ATP6V1E1: variants seen among roughly 807,000 people sequenced by gnomAD.
ATP6V1E1 encodes V-type proton ATPase subunit E 1.
A neutral mutation model predicts 35.2 loss-of-function variants in ATP6V1E1; 21 were observed. The ratio of observed to expected loss-of-function variants is 0.60; its 90% CI spans 0.42 to 0.86. The LOEUF is 0.86. ATP6V1E1 is among the 40% of genes least tolerant of loss of function. ATP6V1E1 has a pLI of 0.00. For synonymous variants in ATP6V1E1, 83 were observed against 87.8 expected (o/e 0.95, Z 0.30); for missense variants, 183 against 272.6 (o/e 0.67, Z 2.32).
intron 7 of ATP6V1E1, chr22:17,597,980 C>G (rs2057741053): frequency 1.9e-6 from 1 of 528,434 alleles, no homozygotes; most frequent in Non-Finnish European, 3.4e-6. Context: ...CCTGGCCAAA[C>G]TAGACTTTTA....
At chr22:17,623,817 C>T (rs1447943456) in intron 1 of ATP6V1E1, among the ~76,000 whole-genome samples, 1 of 152,156 alleles carries the variant, frequency 6.6e-6, no homozygotes, top group African/African-American at 2.4e-5. Context: ...CAGACCAGCA[C>T]AGCCTAGAGC....
At chr22:17,626,033 G>A (rs1601399722) in intron 1 of ATP6V1E1, among the ~76,000 whole-genome samples, 4 of 152,072 alleles carry the variant, frequency 2.6e-5, no homozygotes, top group South Asian at 2.1e-4. Flanking sequence ...CTGGCCAGGC[G>A]CGGTAGCTCA....
chr22:17,624,551 C>CA (rs913083930), intron 1 of ATP6V1E1, among the ~76,000 whole-genome samples: 15 of 150,544 alleles, frequency 1.0e-4, no homozygotes, highest in African/African-American at 1.2e-4. Context: ...GAGACTGTCT[C>CA]AAAAAAAAGA....
Position 17,592,352 on chromosome 22 carries a change from A to G in ATP6V1E1, c.*322T>C. 3.0e-6 allele frequency: 1 copy of G among 328,074 alleles called. No homozygotes were observed. Among genetic ancestry groups the G allele is most frequent in the East Asian group, 6.2e-5 (1 of 16,084 alleles). The allele number at this position is 328,074 out of a possible 1,614,324, so 20.3% of individuals were successfully genotyped here. Reference sequence around the variant, plus strand: ...GACTGCAGGGCCAAACACCAAATACATCACCTTTAGGCCAGACGGAGAGTG... The same window carrying G: ...GACTGCAGGGCCAAACACCAAATACGTCACCTTTAGGCCAGACGGAGAGTG... On this transcript the variant is annotated 3_prime_UTR_variant, in exon 9 of 9. Transcript: ENST00000253413.
At chr22:17,606,887 C>G (rs764795360) in intron 4 of ATP6V1E1, among the ~76,000 whole-genome samples, 27 of 152,212 alleles carry the variant, frequency 1.8e-4, no homozygotes, top group Non-Finnish European at 3.5e-4. Context: ...GTTTGCCGTT[C>G]CCTTGGCTTC....
chr22:17,605,537 A>C (rs1179978189), intron 4 of ATP6V1E1, among the ~76,000 whole-genome samples: 2 of 152,076 alleles, frequency 1.3e-5, no homozygotes, highest in Non-Finnish European at 1.5e-5. Context: ...TCTCAAAAAG[A>C]AAAAGAAAAA....
intron 4 of ATP6V1E1, among the ~76,000 whole-genome samples, chr22:17,611,860 C>G (rs1020151670): frequency 4.6e-5 from 7 of 152,182 alleles, no homozygotes; most frequent in Non-Finnish European, 8.8e-5. Context: ...GTGTTTCTTT[C>G]TCATCTAAGA....
intron 4 of ATP6V1E1, chr22:17,612,498 C>T: frequency 8.4e-6 from 2 of 238,818 alleles, no homozygotes; most frequent in Non-Finnish European, 1.6e-5. Context: ...AGCTCTTCAG[C>T]CTCACACTCA....
intron 1 of ATP6V1E1, 55 bp downstream of exon 1, chr22:17,628,548 G>A: frequency 6.2e-7 from 1 of 1,612,684 alleles, no homozygotes; most frequent in Non-Finnish European, 8.5e-7. Context: ...GCGGGCTCCA[G>A]CCCACTCCCC....
chr22:17,621,673 T>C (rs1191067510), intron 1 of ATP6V1E1, among the ~76,000 whole-genome samples: 1 of 152,188 alleles, frequency 6.6e-6, no homozygotes, highest in Admixed American at 6.6e-5. Flanking sequence ...GTTCCTACCA[T>C]ACTAAACTTA....
At chr22:17,619,674 C>T in intron 1 of ATP6V1E1, 148 bp from the exon 2 acceptor site, 1 of 665,672 alleles carries the variant, frequency 1.5e-6, no homozygotes, top group Non-Finnish European at 2.5e-6. Flanking sequence ...TTGCTTTAGG[C>T]CAGGAGGTGG....
intron 6 of ATP6V1E1, among the ~76,000 whole-genome samples, chr22:17,599,696 G>T (rs897999062): frequency 6.7e-6 from 1 of 149,374 alleles, no homozygotes; most frequent in Non-Finnish European, 1.5e-5. Flanking sequence ...GAGGCGGGTG[G>T]ATCACCTGAG....
At chr22:17,596,837 C>A (rs1276261909) in intron 7 of ATP6V1E1, among the ~76,000 whole-genome samples, 1 of 151,986 alleles carries the variant, frequency 6.6e-6, no homozygotes, top group Admixed American at 6.6e-5. Flanking sequence ...AAGCAATGAT[C>A]CTATTTTACA....
intron 1 of ATP6V1E1, 73 bp downstream of exon 1, chr22:17,628,530 T>A: frequency 6.2e-7 from 1 of 1,605,556 alleles, no homozygotes; most frequent in Non-Finnish European, 8.5e-7. Context: ...GCCCGCGGCC[T>A]TCCCTAGGCG....
chr22:17,614,964 A>AAG, intron 2 of ATP6V1E1, among the ~76,000 whole-genome samples: 1 of 151,840 alleles, frequency 6.6e-6, no homozygotes, highest in East Asian at 1.9e-4. Context: ...CAAAAAAAAA[A>AAG]AAAATTTTTT....
rs534706129 is a variant in ATP6V1E1, at chr22:17,597,775, C to T, written c.530+419G>A. On this transcript the variant is annotated intron_variant, in intron 7 of 8. Transcript: ENST00000253413. ...CCTCCTGGGTAGCTGGGACTACAGG[C>T]GTGCGCCACCACGCTCAGCTAATTT... is the stretch of plus-strand genomic sequence containing the variant. Among the ~76,000 whole-genome samples the T allele has an allele frequency of 1.0e-3, 157 of 152,160 alleles. 5 individuals carry two copies. In the South Asian group the frequency reaches 0.029, roughly 28 times the overall value.
intron 2 of ATP6V1E1, among the ~76,000 whole-genome samples, chr22:17,617,821 A>T (rs1217561822): frequency 1.3e-5 from 2 of 151,674 alleles, no homozygotes; most frequent in South Asian, 2.1e-4. Flanking sequence ...TTATTTTTTA[A>T]TTTTTTGAGA....
intron 4 of ATP6V1E1, among the ~76,000 whole-genome samples, chr22:17,609,100 AAAACAAAACAAAACAAAC>A (rs936495264): frequency 1.9e-5 from 2 of 103,634 alleles, no homozygotes; most frequent in Non-Finnish European, 3.9e-5. Context: ...CTCAAAAAAC[AAAACAAAACAAAACAAAC>A]AAACAAACAA....
intron 4 of ATP6V1E1, among the ~76,000 whole-genome samples, chr22:17,607,239 C>A (rs1297622044): frequency 6.6e-6 from 1 of 151,952 alleles, no homozygotes; most frequent in East Asian, 1.9e-4. Flanking sequence ...CTCACTGCAA[C>A]ATCTGACTCC....
Sources: gnomAD v4.1 joint callset for allele counts (sites outside exome capture counted in the v4.1 genomes callset) on GRCh38, gnomAD v4.1.1 for gene constraint, MANE v1.5 for transcripts, NCBI Gene and HGNC (gene_info 2026-07-23, HGNC 2026-07-21) for gene names.